Variants in ABLIM3 observed in about 807,000 individuals in gnomAD.
ABLIM3 encodes the protein actin-binding LIM protein 3.
Under a neutral mutation model 109.5 loss-of-function variants are expected in ABLIM3, and 61 were observed. The ratio of observed to expected loss-of-function variants is 0.56; its 90% CI spans 0.45 to 0.69. The LOEUF is 0.69. Among genes scored for constraint, ABLIM3 ranks in the 30% least tolerant of loss-of-function variants. The pLI, the probability that ABLIM3 is intolerant of heterozygous loss-of-function variation, is 0.00. For missense variants in ABLIM3, 796 were observed against 889.5 expected, an observed-to-expected ratio of 0.89 and a Z score of 1.34; for synonymous variants, 300 against 324.8, an observed-to-expected ratio of 0.92 and a Z score of 0.82.
intron 2 of ABLIM3, among the ~76,000 whole-genome samples, chr5:149,167,221 A>G (rs1754914459): frequency 6.6e-6 from 1 of 152,298 alleles, no homozygotes; most frequent in Admixed American, 6.5e-5. Flanking sequence ...TGCCTCTGTC[A>G]TTCTCATTGT....
At chr5:149,241,163 A>G (rs75719290) in intron 14 of ABLIM3, among the ~76,000 whole-genome samples, 2,877 of 152,348 alleles carry the variant, frequency 0.019, 38 homozygotes, top group Middle Eastern at 0.027. Context: ...ACTGTGAGCC[A>G]GTTACTTGGC....
chr5:149,142,040 T>TAAAAAGCAGCCGGGGCC lies in ABLIM3; in HGVS notation c.-55_-39dup. 6.2e-7 allele frequency: 1 copy of TAAAAAGCAGCCGGGGCC among 1,612,422 alleles called. No homozygotes were observed. Among genetic ancestry groups the TAAAAAGCAGCCGGGGCC allele is most frequent in the Non-Finnish European group, 8.5e-7 (1 of 1,179,692 alleles). On this transcript the variant is annotated 5_prime_UTR_variant, in exon 2 of 24. The change abolishes the stop of an existing upstream ORF in the 5' untranslated region. Coordinates refer to ENST00000309868, the MANE Select transcript of ABLIM3 (RefSeq NM_014945.5). ...AGTGAGGTTCGAAGAACGGAAGATT[T>TAAAAAGCAGCCGGGGCC]AAAAAGCAGCCGGGGCCTCCGTATT...
intron 22 of ABLIM3, 116 bp from the exon 23 acceptor site, chr5:149,252,641 A>C: frequency 2.5e-6 from 2 of 792,114 alleles, no homozygotes; most frequent in Non-Finnish European, 4.2e-6. Flanking sequence ...CTCTTCCTCC[A>C]GACTTAATTT....
At chr5:149,172,092 TAGA>T (rs1755491231) in intron 2 of ABLIM3, among the ~76,000 whole-genome samples, 1 of 152,344 alleles carries the variant, frequency 6.6e-6, no homozygotes, top group Non-Finnish European at 1.5e-5. Flanking sequence ...AGCACAAAGT[TAGA>T]AGAATTTTTA....
At chr5:149,173,563 T>G (rs1404203033) in intron 2 of ABLIM3, among the ~76,000 whole-genome samples, 3 of 152,134 alleles carry the variant, frequency 2.0e-5, no homozygotes, top group Non-Finnish European at 4.4e-5. Flanking sequence ...GAAGCTTCCC[T>G]GAGGTGGGAT....
rs746279555 is a variant in ABLIM3 at position 149,142,120 on chromosome 5, C to G, written c.13+12C>G. 7 of 1,613,430 alleles carry G rather than the reference C, an allele frequency of 4.3e-6. No individual in the cohort carries two copies. In the African/African-American group the frequency reaches 9.4e-5, roughly 22 times the overall value. On this transcript the variant is annotated intron_variant, in intron 2 of 23. Transcript: ENST00000309868. ...CATGAACACTAGCAGTAAGTGGATC[C>G]TCCTCTCCTTTGCCATGGGAACAGG...
intron 4 of ABLIM3, chr5:149,199,268 T>A (rs1308528383): frequency 2.9e-6 from 1 of 342,966 alleles, no homozygotes; most frequent in South Asian, 2.4e-5. Flanking sequence ...TATATACGTA[T>A]TTTTTAATTG....
intron 8 of ABLIM3, among the ~76,000 whole-genome samples, chr5:149,222,248 C>T (rs1053588371): frequency 5.9e-5 from 9 of 151,938 alleles, no homozygotes; most frequent in African/African-American, 2.2e-4. Context: ...CCCATTTTAT[C>T]CTCACGACAA....
At chr5:149,217,068 T>C (rs1760168974) in intron 8 of ABLIM3, 22 bp downstream of exon 8, 1 of 1,607,154 alleles carries the variant, frequency 6.2e-7, no homozygotes, top group Non-Finnish European at 8.5e-7. Flanking sequence ...TGACCCTCTG[T>C]AAGGCCTTCC....
intron 5 of ABLIM3, among the ~76,000 whole-genome samples, chr5:149,202,848 C>T (rs976606295): frequency 2.6e-5 from 4 of 152,138 alleles, no homozygotes; most frequent in Admixed American, 2.6e-4. Flanking sequence ...CCACCACAAC[C>T]TTCACCATCA....
At chr5:149,192,388 A>C (rs961621414) in intron 3 of ABLIM3, among the ~76,000 whole-genome samples, 5 of 152,162 alleles carry the variant, frequency 3.3e-5, no homozygotes, top group Non-Finnish European at 5.9e-5. Flanking sequence ...GAAACAAATA[A>C]TATGGGCAAA....
chr5:149,157,338 C>A (rs1034247567), intron 2 of ABLIM3, among the ~76,000 whole-genome samples: 2 of 152,162 alleles, frequency 1.3e-5, no homozygotes, highest in African/African-American at 2.4e-5. Flanking sequence ...CGGAGCAAAT[C>A]CTCCCCCTTT....
At chr5:149,201,309 A>G (rs1758465684) in intron 5 of ABLIM3, among the ~76,000 whole-genome samples, 1 of 152,136 alleles carries the variant, frequency 6.6e-6, no homozygotes. Flanking sequence ...TTCATGTTAT[A>G]TGACACTCTC....
At chr5:149,165,378 T>C (rs1754730456) in intron 2 of ABLIM3, among the ~76,000 whole-genome samples, 1 of 152,250 alleles carries the variant, frequency 6.6e-6, no homozygotes, top group African/African-American at 2.4e-5. Flanking sequence ...CATTTATGCA[T>C]TGAATTGAAT....
At chr5:149,216,808 G>A (rs1460743377) in intron 7 of ABLIM3, 151 bp from the exon 8 acceptor site, 3 of 630,718 alleles carry the variant, frequency 4.8e-6, no homozygotes, top group East Asian at 5.5e-5. Context: ...TCTTTTAGAT[G>A]GTTGTGGACT....
chr5:149,241,623 G>T (rs960163863), intron 14 of ABLIM3, among the ~76,000 whole-genome samples: 9 of 152,226 alleles, frequency 5.9e-5, no homozygotes, highest in Admixed American at 1.3e-4. Context: ...GCTGGGCATG[G>T]TGGCTTGTAC....
intron 16 of ABLIM3, among the ~76,000 whole-genome samples, chr5:149,245,677 G>A (rs990018784): frequency 2.6e-5 from 4 of 152,036 alleles, no homozygotes; most frequent in Non-Finnish European, 4.4e-5. Flanking sequence ...GAGAAAGAGA[G>A]GATGTGGGGA....
chr5:149,259,657 T>G lies in ABLIM3; in HGVS notation c.*1253T>G. On this transcript the variant is annotated 3_prime_UTR_variant, in exon 24 of 24. Coordinates refer to ENST00000309868, the MANE Select transcript of ABLIM3 (RefSeq NM_014945.5). The stretch of plus-strand genomic sequence containing the variant: ...TGGCTTCCCTTCCTGCTCGCCTCCC[T>G]GAACAGGGGAGAAAGCTTAACCTCT... 1.4e-6 allele frequency: 2 copies of G among 1,427,316 alleles called. No individual in the cohort carries two copies. The highest frequency in any genetic ancestry group is 1.9e-6 in the Non-Finnish European group (2 of 1,047,816). The allele number at this position is 1,427,316 out of a possible 1,614,324, so 88.4% of individuals were successfully genotyped here. A position where few individuals can be genotyped will look rare whatever the true frequency, so the allele number is the denominator to read the frequency against.
chr5:149,251,081 G>T (rs1229347134), intron 20 of ABLIM3, among the ~76,000 whole-genome samples: 1 of 152,224 alleles, frequency 6.6e-6, no homozygotes, highest in South Asian at 2.1e-4. Context: ...CAGCCAGGTT[G>T]TCAGGGCAAA....
Sources: gnomAD v4.1 joint callset for allele counts (sites outside exome capture counted in the v4.1 genomes callset) on GRCh38, gnomAD v4.1.1 for gene constraint, MANE v1.5 for transcripts, NCBI Gene and HGNC (gene_info 2026-07-23, HGNC 2026-07-21) for gene names.